The following SAMD4A variants were observed in gnomAD, a reference collection of about 807,000 sequenced individuals.
SAMD4A encodes the protein protein Smaug homolog 1.
A neutral mutation model predicts 81.3 loss-of-function variants in SAMD4A; 33 were observed. The observed-to-expected ratio is 0.41, with a 90% CI of 0.31 to 0.54. The LOEUF (loss-of-function observed/expected upper bound fraction) is 0.54, where lower values mean the gene tolerates loss of function less well. Ranked by LOEUF, SAMD4A falls within the 20% of genes least tolerant of loss-of-function variation. SAMD4A has a pLI of 0.37. For missense variants in SAMD4A, 854 were observed against 951.1 expected (o/e 0.90, Z 1.34); for synonymous variants, 389 against 382.1 (o/e 1.02, Z -0.21).
At chr14:54,591,530 T>G (rs1006693489) in intron 2 of SAMD4A, among the ~76,000 whole-genome samples, 1 of 150,602 alleles carries the variant, frequency 6.6e-6, no homozygotes, top group Non-Finnish European at 1.5e-5. Context: ...GTATTTTGTT[T>G]TTTTTTTTTT....
At chr14:54,712,118 A>T (rs2037004635) in intron 3 of SAMD4A, among the ~76,000 whole-genome samples, 1 of 152,152 alleles carries the variant, frequency 6.6e-6, no homozygotes, top group South Asian at 2.1e-4. Flanking sequence ...GCCTCTTGGA[A>T]CCTAAAAAGG....
intron 3 of SAMD4A, among the ~76,000 whole-genome samples, chr14:54,729,753 G>T (rs2037511916): frequency 1.3e-5 from 2 of 152,202 alleles, no homozygotes; most frequent in Non-Finnish European, 2.9e-5. Context: ...TTCAAAGGTG[G>T]AAAATTGCTT....
chr14:54,760,421 C>T lies in SAMD4A; in HGVS notation c.1437C>T (p.Cys479=), dbSNP rs551558417. 345 of 1,445,904 alleles carry T rather than the reference C, an allele frequency of 2.4e-4. No homozygotes were observed. In the South Asian group the frequency reaches 3.7e-3, roughly 16 times the overall value. 89.6% of individuals were successfully genotyped at this position (1,445,904 alleles called of 1,614,324 possible). ...TCCAGCCGCACCAGCTGAGCAGCTG[C>T]GATGGGGAGCTGGCCGTCGCCCCCC... The part of the protein sequence containing the change: ...GGLQPHQLSS[C]DGELAVAPLP... Residue 479 remains cysteine, a synonymous_variant, in exon 7 of 13, where the codon TGC becomes TGT. Coordinates refer to ENST00000554335, the MANE Select transcript of SAMD4A (RefSeq NM_015589.6).
chr14:54,751,556 G>T lies in SAMD4A; in HGVS notation c.1176+19G>T. 6.8e-7 allele frequency: 1 copy of T among 1,477,566 alleles called. No homozygotes were observed. Among genetic ancestry groups the T allele is most frequent in the African/African-American group, 1.4e-5 (1 of 71,816 alleles). 91.5% of individuals were successfully genotyped at this position (1,477,566 alleles called of 1,614,324 possible). ...GGAAAGGGTAAGTTATCGGATGAGG[G>T]AACATTTCCACTTTCATTATGGGAA... On this transcript the variant is annotated intron_variant, in intron 6 of 12. Transcript: ENST00000554335.
intron 3 of SAMD4A, among the ~76,000 whole-genome samples, chr14:54,707,102 CTTT>C (rs11412662): frequency 1.2e-4 from 16 of 130,386 alleles, no homozygotes; most frequent in Admixed American, 7.8e-5. Context: ...TATGGACATA[CTTT>C]TTTTTTTTTT....
At position 54,646,834 on chromosome 14, in the gene SAMD4A, G is replaced by A. The variant is rs528605942; in HGVS notation, c.197-55228G>A. ...TAGTATGATTAGTTGTATCCTGCCC[G>A]TTTAACCACTTTCACATTTCACTTT... On this transcript the variant is annotated intron_variant, in intron 2 of 12. Coordinates refer to ENST00000554335, the MANE Select transcript of SAMD4A (RefSeq NM_015589.6). Among the ~76,000 whole-genome samples, 5 of 152,210 alleles carry A rather than the reference G, an allele frequency of 3.3e-5. No individual in the cohort carries two copies. The South Asian group carries it at 6.2e-4, about 19-fold the overall frequency.
chr14:54,664,940 G>A (rs1483422094), intron 2 of SAMD4A, among the ~76,000 whole-genome samples: 2 of 152,022 alleles, frequency 1.3e-5, no homozygotes, highest in Non-Finnish European at 2.9e-5. Context: ...AGTGAGATCA[G>A]GTTGTAGTGA....
At chr14:54,678,158 C>T (rs2036032381) in intron 2 of SAMD4A, among the ~76,000 whole-genome samples, 1 of 152,158 alleles carries the variant, frequency 6.6e-6, no homozygotes, top group South Asian at 2.1e-4. Flanking sequence ...AAAGAATGCA[C>T]AGTTGTGCAG....
chr14:54,767,124 A>T (rs371265141), intron 8 of SAMD4A, among the ~76,000 whole-genome samples: 17 of 152,144 alleles, frequency 1.1e-4, no homozygotes, highest in African/African-American at 3.9e-4. Context: ...AGGGCTTTTT[A>T]TGATTTTACT....
rs1306951835 is a variant in SAMD4A at position 54,567,716 on chromosome 14, A to T, written c.-201A>T. The T allele has an allele frequency of 2.0e-5, 11 of 555,160 alleles. No individual in the cohort carries two copies. The highest frequency in any genetic ancestry group is 7.3e-5 in the Admixed American group (2 of 27,224). The allele number at this position is 555,160 out of a possible 1,614,324, so 34.4% of individuals were successfully genotyped here. On this transcript the variant is annotated 5_prime_UTR_variant, in exon 2 of 13. Transcript: ENST00000554335. ...GTCTGTCATCGTCTCTGGGGAAATC[A>T]GCCAGAACCACCGGAACGTAACTGA...
chr14:54,677,285 T>C (rs761763041), intron 2 of SAMD4A, among the ~76,000 whole-genome samples: 12 of 152,236 alleles, frequency 7.9e-5, no homozygotes, highest in Non-Finnish European at 1.2e-4. Flanking sequence ...TCCTTATAAT[T>C]GGGTGGATCT....
At chr14:54,733,614 GA>G (rs1187626580) in intron 3 of SAMD4A, among the ~76,000 whole-genome samples, 1 of 152,100 alleles carries the variant, frequency 6.6e-6, no homozygotes, top group East Asian at 1.9e-4. Context: ...TCTAGGTTGA[GA>G]TTTTTTTTTA....
chr14:54,689,459 C>G (rs1252780538), intron 2 of SAMD4A, among the ~76,000 whole-genome samples: 2 of 152,202 alleles, frequency 1.3e-5, no homozygotes, highest in African/African-American at 4.8e-5. Flanking sequence ...ACTCAAACAT[C>G]ACCAATCTTA....
chr14:54,679,873 A>T (rs2036087940), intron 2 of SAMD4A, among the ~76,000 whole-genome samples: 1 of 152,226 alleles, frequency 6.6e-6, no homozygotes, highest in Non-Finnish European at 1.5e-5. Context: ...TGTATACAGT[A>T]ATACTTCTGT....
chr14:54,576,317 T>A (rs959803868), intron 2 of SAMD4A, among the ~76,000 whole-genome samples: 1 of 152,162 alleles, frequency 6.6e-6, no homozygotes, highest in African/African-American at 2.4e-5. Flanking sequence ...ATGAGTAAAA[T>A]GTCAATGCTG....
intron 2 of SAMD4A, among the ~76,000 whole-genome samples, chr14:54,607,895 A>C (rs1299027038): frequency 1.3e-5 from 2 of 151,816 alleles, no homozygotes; most frequent in South Asian, 4.2e-4. Flanking sequence ...GCAAACCTCT[A>C]ATCCCCGCTA....
intron 2 of SAMD4A, among the ~76,000 whole-genome samples, chr14:54,698,988 A>G (rs1278863054): frequency 6.6e-6 from 1 of 151,696 alleles, no homozygotes; most frequent in Non-Finnish European, 1.5e-5. Context: ...CAGGGAAATG[A>G]CCTAGCAGAA....
At chr14:54,750,525 A>G (rs576278987) in intron 5 of SAMD4A, among the ~76,000 whole-genome samples, 1 of 152,248 alleles carries the variant, frequency 6.6e-6, no homozygotes, top group East Asian at 1.9e-4. Context: ...AAAATCCACA[A>G]CTCTTACTGT....
intron 2 of SAMD4A, among the ~76,000 whole-genome samples, chr14:54,670,498 C>T (rs1240306895): frequency 2.0e-5 from 3 of 152,204 alleles, no homozygotes; most frequent in African/African-American, 7.2e-5. Flanking sequence ...GGAGGCAGAA[C>T]TGGGTTCAAG....
Sources: gnomAD v4.1 joint callset for allele counts (sites outside exome capture counted in the v4.1 genomes callset) on GRCh38, gnomAD v4.1.1 for gene constraint, MANE v1.5 for transcripts, NCBI Gene and HGNC (gene_info 2026-07-23, HGNC 2026-07-21) for gene names.